The following ITPR2 variants were observed in gnomAD, a reference collection of about 807,000 sequenced individuals.
ITPR2 encodes the protein inositol 1,4,5-trisphosphate receptor type 2, also known as inositol 1,4,5-trisphosphate-gated calcium channel ITPR2.
A neutral mutation model predicts 317.1 loss-of-function variants in ITPR2; 207 were observed. That is an observed-to-expected ratio of 0.65 (90% CI 0.58 to 0.73). ITPR2 has a LOEUF of 0.73. ITPR2 is among the 30% of genes least tolerant of loss of function. The pLI, the probability that ITPR2 is intolerant of heterozygous loss-of-function variation, is 0.00. For missense variants in ITPR2, 2,613 were observed against 3,284.0 expected, an observed-to-expected ratio of 0.80 and a Z score of 4.99; for synonymous variants, 1,156 against 1,149.1, an observed-to-expected ratio of 1.01 and a Z score of -0.12.
At chr12:26,792,270 C>T (rs2137217709) in intron 1 of ITPR2, among the ~76,000 whole-genome samples, 1 of 151,970 alleles carries the variant, frequency 6.6e-6, no homozygotes, top group African/African-American at 2.4e-5. Context: ...AGAATTGGAA[C>T]TGAATTTGAA....
At chr12:26,608,559 C>A (rs1424407723) in intron 26 of ITPR2, among the ~76,000 whole-genome samples, 1 of 151,768 alleles carries the variant, frequency 6.6e-6, no homozygotes, top group Non-Finnish European at 1.5e-5. Flanking sequence ...AGCGCCTCTG[C>A]CTGGCTGCCC....
intron 37 of ITPR2, among the ~76,000 whole-genome samples, chr12:26,515,444 G>T (rs575769791): frequency 1.6e-3 from 244 of 152,010 alleles, no homozygotes; most frequent in African/African-American, 5.6e-3. Flanking sequence ...ATTCCTTAAG[G>T]CCCACACTGA....
Position 26,339,342 on chromosome 12 carries a change from TC to T in ITPR2, c.*54del. The T allele has an allele frequency of 1.4e-6, 2 of 1,452,124 alleles. No individual in the cohort carries two copies. Among genetic ancestry groups the T allele is most frequent in the Non-Finnish European group, 1.9e-6 (2 of 1,035,046 alleles). The allele number at this position is 1,452,124 out of a possible 1,614,324, so 90.0% of individuals were successfully genotyped here. A position where few individuals can be genotyped will look rare whatever the true frequency, so the allele number is the denominator to read the frequency against. ...ACTCCCCTCCATCTCAGTTCTTTAT[TC>T]AGTGATCAGGCAGGACACTGATGAA... On this transcript the variant is annotated 3_prime_UTR_variant, in exon 57 of 57. Transcript: ENST00000381340.
intron 55 of ITPR2, among the ~76,000 whole-genome samples, chr12:26,385,046 C>T (rs1461152347): frequency 6.6e-6 from 1 of 152,198 alleles, no homozygotes; most frequent in Non-Finnish European, 1.5e-5. Context: ...ACTTTCTACA[C>T]ATCATCTCAC....
At chr12:26,523,233 G>A (rs577377043) in intron 37 of ITPR2, among the ~76,000 whole-genome samples, 1 of 152,232 alleles carries the variant, frequency 6.6e-6, no homozygotes, top group African/African-American at 2.4e-5. Context: ...TTCGTAAAAA[G>A]ATAACTAGAA....
At position 26,556,225 on chromosome 12, in the gene ITPR2, C is replaced by G; in HGVS notation, c.4964+8G>C. 6.2e-7 allele frequency: 1 copy of G among 1,612,296 alleles called. No individual in the cohort carries two copies. The highest frequency in any genetic ancestry group is 8.5e-7 in the Non-Finnish European group (1 of 1,179,294). ...ACACTAGCAGAATCTCAGATTGGATCCACTTACTTCGACATGAAAGCGCCA... is the reference window on the plus strand; with the variant it reads ...ACACTAGCAGAATCTCAGATTGGATGCACTTACTTCGACATGAAAGCGCCA... On this transcript the variant is annotated splice_region_variant and intron_variant, in intron 36 of 56. Coordinates refer to ENST00000381340, the MANE Select transcript of ITPR2 (RefSeq NM_002223.4).
chr12:26,677,966 G>A (rs1193677512), intron 13 of ITPR2, among the ~76,000 whole-genome samples: 1 of 152,094 alleles, frequency 6.6e-6, no homozygotes, highest in African/African-American at 2.4e-5. Flanking sequence ...ACCATCCCTC[G>A]AGAGGGTAAG....
chr12:26,486,359 T>C lies in ITPR2; in HGVS notation c.5556A>G (p.Val1852=), dbSNP rs752612378. ...ELMTSGPRMR[V]RDSTLHLKEG... ...CTTTTAAATGTAGTGTTGAATCTCT[T>C]ACTGAAAACAAAGCAGTACTTTTAT... Residue 1852 remains valine, a splice_region_variant and synonymous_variant, in exon 41 of 57, where the codon GTA becomes GTG. Transcript: ENST00000381340. The C allele has an allele frequency of 6.8e-6, 11 of 1,608,870 alleles. No homozygotes were observed. The highest frequency in any genetic ancestry group is 1.7e-5 in the Admixed American group (1 of 59,842).
intron 2 of ITPR2, among the ~76,000 whole-genome samples, chr12:26,770,193 G>T (rs1190556768): frequency 6.6e-6 from 1 of 152,136 alleles, no homozygotes; most frequent in Non-Finnish European, 1.5e-5. Flanking sequence ...GTTGAGAGAG[G>T]CAAAGGATTG....
rs573498213 is a variant in ITPR2, at chr12:26,695,542, A to G, written c.996+64T>C. 3.2e-5 allele frequency: 43 copies of G among 1,363,906 alleles called. No individual in the cohort carries two copies. The Admixed American group carries it at 5.7e-4, about 18-fold the overall frequency. 84.5% of individuals were successfully genotyped at this position (1,363,906 alleles called of 1,614,324 possible). On this transcript the variant is annotated intron_variant, in intron 10 of 56. Coordinates refer to ENST00000381340, the MANE Select transcript of ITPR2 (RefSeq NM_002223.4). ...CTTCAAATTTGCTATTAAAATTCCA[A>G]TCTATCCATATAAAATAATAACAAT...
At chr12:26,641,845 T>A (rs1380815157) in intron 21 of ITPR2, among the ~76,000 whole-genome samples, 9 of 152,144 alleles carry the variant, frequency 5.9e-5, no homozygotes, top group Non-Finnish European at 1.2e-4. Context: ...GGAGGTGGAA[T>A]GAGGAGAGTC....
chr12:26,448,199 G>A (rs769976390), intron 45 of ITPR2, among the ~76,000 whole-genome samples: 11 of 151,986 alleles, frequency 7.2e-5, no homozygotes, highest in Non-Finnish European at 1.3e-4. Flanking sequence ...AAGGACAGCC[G>A]TCTTACGATA....
At chr12:26,691,144 T>C (rs1030517690) in intron 10 of ITPR2, among the ~76,000 whole-genome samples, 1 of 152,204 alleles carries the variant, frequency 6.6e-6, no homozygotes, top group African/African-American at 2.4e-5. Context: ...CTCCTTGGAA[T>C]GTGCCCCTCA....
chr12:26,367,384 A>G (rs1591966923), intron 55 of ITPR2, among the ~76,000 whole-genome samples: 1 of 152,234 alleles, frequency 6.6e-6, no homozygotes, highest in African/African-American at 2.4e-5. Flanking sequence ...TTCTTTCTCC[A>G]TGGCTCACCT....
chr12:26,827,041 C>A (rs1951019159), intron 1 of ITPR2, among the ~76,000 whole-genome samples: 1 of 152,166 alleles, frequency 6.6e-6, no homozygotes, highest in Admixed American at 6.5e-5. Flanking sequence ...TGAAAGTGGA[C>A]AGCACATCCC....
intron 35 of ITPR2, among the ~76,000 whole-genome samples, chr12:26,557,014 G>T (rs1400819725): frequency 1.3e-5 from 2 of 151,998 alleles, no homozygotes. Context: ...GGGAGGCGGA[G>T]GTTGCAGTGA....
At chr12:26,436,170 T>G (rs567319459) in intron 48 of ITPR2, 51 bp downstream of exon 48, 243 of 1,458,514 alleles carry the variant, frequency 1.7e-4, no homozygotes, top group Non-Finnish European at 2.1e-4. Context: ...CTTTAAATAG[T>G]TAAGTGGGAA....
intron 40 of ITPR2, 199 bp downstream of exon 40, chr12:26,486,869 C>T (rs1351148038): frequency 7.2e-6 from 5 of 691,808 alleles, no homozygotes; most frequent in Non-Finnish European, 1.1e-5. Flanking sequence ...TTGCTTTGCA[C>T]TGATTATGTC....
chr12:26,448,912 C>T (rs982248111), intron 45 of ITPR2, among the ~76,000 whole-genome samples: 8 of 152,138 alleles, frequency 5.3e-5, no homozygotes, highest in African/African-American at 1.9e-4. Context: ...GGTCTTTGAG[C>T]AACACCATGC....
Sources: gnomAD v4.1 joint callset for allele counts (sites outside exome capture counted in the v4.1 genomes callset) on GRCh38, gnomAD v4.1.1 for gene constraint, MANE v1.5 for transcripts, NCBI Gene and HGNC (gene_info 2026-07-23, HGNC 2026-07-21) for gene names.